The following PCSK5 variants were observed in gnomAD, a reference collection of about 807,000 sequenced individuals.
PCSK5 encodes the protein proprotein convertase subtilisin/kexin type 5.
PCSK5 carries 129 observed loss-of-function variants against 233.2 expected under a neutral mutation model. That is an observed-to-expected ratio of 0.55 (90% CI 0.48 to 0.64). The LOEUF is 0.64. Among genes scored for constraint, PCSK5 ranks in the 30% least tolerant of loss-of-function variants. PCSK5 has a pLI of 0.00. For synonymous variants in PCSK5, 825 were observed against 879.2 expected (o/e 0.94, Z 1.09); for missense variants, 2,076 against 2,430.1 (o/e 0.85, Z 3.06).
At chr9:76,215,676 CT>C (rs1825498908) in intron 20 of PCSK5, among the ~76,000 whole-genome samples, 1 of 152,124 alleles carries the variant, frequency 6.6e-6, no homozygotes, top group African/African-American at 2.4e-5. Context: ...AATCCCAGCA[CT>C]TTGGGAGACC....
At chr9:75,939,435 C>G (rs1481544339) in intron 2 of PCSK5, among the ~76,000 whole-genome samples, 2 of 152,178 alleles carry the variant, frequency 1.3e-5, no homozygotes, top group Non-Finnish European at 2.9e-5. Context: ...TTCACGTTTT[C>G]AAAGCCTCTT....
Position 76,126,265 on chromosome 9 carries a change from G to A in PCSK5, c.1209-7844G>A, listed in dbSNP as rs539951695. Among the ~76,000 whole-genome samples, 21 of 152,002 alleles carry A rather than the reference G, an allele frequency of 1.4e-4. No homozygotes were observed. In the South Asian group the frequency reaches 4.4e-3, roughly 32 times the overall value. ...GTCTAACAATTAGAAAGACTGCCAG[G>A]AATTGATACACTAAACCAGGAGTTT... is the stretch of plus-strand genomic sequence containing the variant. On this transcript the variant is annotated intron_variant, in intron 9 of 37. Transcript: ENST00000674117.
chr9:76,175,297 G>C (rs750010115), intron 14 of PCSK5, 168 bp downstream of exon 14: 1 of 556,980 alleles, frequency 1.8e-6, no homozygotes. Flanking sequence ...GAATCGAATA[G>C]AATAGAATAG....
chr9:76,046,281 G>A (rs1422607916), intron 5 of PCSK5, among the ~76,000 whole-genome samples: 1 of 134,780 alleles, frequency 7.4e-6, no homozygotes, highest in Non-Finnish European at 1.5e-5. Context: ...GGGTTCAAGC[G>A]ATTCTCCTGC....
chr9:76,037,181 G>A (rs1352741212), intron 5 of PCSK5, among the ~76,000 whole-genome samples: 1 of 152,152 alleles, frequency 6.6e-6, no homozygotes, highest in Non-Finnish European at 1.5e-5. Context: ...AGCCACCATC[G>A]CTTGCAGAGA....
At chr9:76,065,989 A>C (rs1454250759) in intron 5 of PCSK5, among the ~76,000 whole-genome samples, 1 of 152,010 alleles carries the variant, frequency 6.6e-6, no homozygotes, top group Admixed American at 6.6e-5. Flanking sequence ...TGTGTTCTCT[A>C]TTCTGTTCTG....
intron 13 of PCSK5, among the ~76,000 whole-genome samples, chr9:76,171,940 T>C (rs1823348852): frequency 6.6e-6 from 1 of 150,882 alleles, no homozygotes; most frequent in South Asian, 2.1e-4. Context: ...GGTGGGGGGG[T>C]GTGTGTGTGT....
chr9:76,260,814 G>A (rs1024920582), intron 24 of PCSK5, among the ~76,000 whole-genome samples: 1 of 152,048 alleles, frequency 6.6e-6, no homozygotes, highest in Non-Finnish European at 1.5e-5. Flanking sequence ...AATTTGTTAT[G>A]GCAGCAATAG....
chr9:76,018,803 A>C (rs1828061474), intron 3 of PCSK5, among the ~76,000 whole-genome samples: 1 of 152,224 alleles, frequency 6.6e-6, no homozygotes, highest in Admixed American at 6.5e-5. Context: ...GGTCTTAAAC[A>C]ACTGTATTCC....
At chr9:76,082,911 C>A (rs1830903335) in intron 7 of PCSK5, among the ~76,000 whole-genome samples, 1 of 151,802 alleles carries the variant, frequency 6.6e-6, no homozygotes. Context: ...TATTATTTTA[C>A]TCAAATATTT....
intron 16 of PCSK5, among the ~76,000 whole-genome samples, chr9:76,182,971 T>G (rs907034217): frequency 2.0e-5 from 3 of 152,354 alleles, no homozygotes; most frequent in African/African-American, 7.2e-5. Flanking sequence ...AGAGAGGGTC[T>G]TTCAACTTAC....
chr9:76,090,950 C>T (rs1831261040), intron 7 of PCSK5, among the ~76,000 whole-genome samples: 1 of 143,450 alleles, frequency 7.0e-6, no homozygotes. Flanking sequence ...AACCTAGATC[C>T]CTCGCATGCG....
chr9:76,093,415 G>A (rs1474840464), intron 7 of PCSK5, among the ~76,000 whole-genome samples: 1 of 152,054 alleles, frequency 6.6e-6, no homozygotes, highest in African/African-American at 2.4e-5. Flanking sequence ...TTCCTAAACT[G>A]AGACTGTGCT....
In PCSK5 at chr9:76,355,417, G is replaced by A. The variant is rs1186090848; in HGVS notation, c.5254+1198G>A. 9.9e-5 allele frequency among the ~76,000 whole-genome samples: 15 copies of A among 152,042 alleles called. 1 individual carries two copies. The highest frequency in any genetic ancestry group is 9.8e-4 in the Admixed American group (15 of 15,266). On this transcript the variant is annotated intron_variant, in intron 37 of 37. Transcript: ENST00000674117. ...GAACCCGGGAGGCAGAGCTCGCAGT[G>A]AGCCAAGATCGTGCCACTGCACTCC... is the stretch of plus-strand genomic sequence containing the variant.
chr9:76,061,158 C>A (rs185147448), intron 5 of PCSK5, among the ~76,000 whole-genome samples: 124 of 151,844 alleles, frequency 8.2e-4, no homozygotes, highest in Non-Finnish European at 1.4e-3. Flanking sequence ...ATTAACAAAC[C>A]AACAGTATAA....
At chr9:75,981,412 A>C (rs1376200650) in intron 2 of PCSK5, among the ~76,000 whole-genome samples, 1 of 152,180 alleles carries the variant, frequency 6.6e-6, no homozygotes, top group Non-Finnish European at 1.5e-5. Flanking sequence ...CTCTTTCCAA[A>C]TCCAACTCCT....
chr9:76,175,217 G>A (rs544716675), intron 14 of PCSK5, 88 bp downstream of exon 14: 23 of 541,806 alleles, frequency 4.2e-5, no homozygotes, highest in East Asian at 1.3e-4. Flanking sequence ...GAATGGAATG[G>A]AATGAAATGG....
At chr9:76,348,877 T>C (rs1210894375) in intron 35 of PCSK5, among the ~76,000 whole-genome samples, 1 of 150,934 alleles carries the variant, frequency 6.6e-6, no homozygotes, top group Non-Finnish European at 1.5e-5. Context: ...AGATTCCACA[T>C]TAAAGTGAGA....
intron 20 of PCSK5, among the ~76,000 whole-genome samples, chr9:76,201,646 A>G (rs1357397983): frequency 6.6e-6 from 1 of 152,212 alleles, no homozygotes; most frequent in Non-Finnish European, 1.5e-5. Context: ...CACTGTGGCT[A>G]CATCATGCTT....
Sources: gnomAD v4.1 joint callset for allele counts (sites outside exome capture counted in the v4.1 genomes callset) on GRCh38, gnomAD v4.1.1 for gene constraint, MANE v1.5 for transcripts, NCBI Gene and HGNC (gene_info 2026-07-23, HGNC 2026-07-21) for gene names.